The following ABHD6 variants were observed in gnomAD, a reference collection of about 807,000 sequenced individuals.
ABHD6 encodes the protein monoacylglycerol lipase ABHD6.
A neutral mutation model predicts 38.8 loss-of-function variants in ABHD6; 33 were observed. The ratio of observed to expected loss-of-function variants is 0.85; its 90% CI spans 0.64 to 1.14. The LOEUF (loss-of-function observed/expected upper bound fraction) is 1.14. Ranked by LOEUF, ABHD6 falls within the 50% of genes most tolerant of loss-of-function variation. The pLI is 0.00. For missense variants in ABHD6, 380 were observed against 422.6 expected (o/e 0.90, Z 0.88); for synonymous variants, 147 against 161.6 (o/e 0.91, Z 0.69).
intron 9 of ABHD6, among the ~76,000 whole-genome samples, chr3:58,289,143 C>T (rs977969546): frequency 1.3e-5 from 2 of 152,216 alleles, no homozygotes; most frequent in African/African-American, 4.8e-5. Context: ...CAGCCTCAAC[C>T]TCCTGAGCTC....
Position 58,250,495 on chromosome 3 carries a change from T to A in ABHD6, c.-26+553T>A, listed in dbSNP as rs2097429195. 2.0e-5 allele frequency among the ~76,000 whole-genome samples: 3 copies of A among 152,232 alleles called. No individual in the cohort carries two copies. The South Asian group carries it at 6.2e-4, about 32-fold the overall frequency. The stretch of plus-strand genomic sequence containing the variant: ...GCACAGCCTGATCCCTGGTGTGAAT[T>A]GAGAAGATTTCTCTGGCAGCTGGGG... On this transcript the variant is annotated intron_variant, in intron 2 of 9. Coordinates refer to ENST00000478253, the MANE Select transcript of ABHD6 (RefSeq NM_001320126.2).
rs947423944 is a variant in ABHD6 at position 58,266,216 on chromosome 3, A to G, written c.120-973A>G. 6.6e-6 allele frequency among the ~76,000 whole-genome samples: 1 copy of G among 152,206 alleles called. No individual in the cohort carries two copies. Among genetic ancestry groups the G allele is most frequent in the Non-Finnish European group, 1.5e-5 (1 of 68,038 alleles). On this transcript the variant is annotated intron_variant, in intron 3 of 9. Coordinates refer to ENST00000478253, the MANE Select transcript of ABHD6 (RefSeq NM_001320126.2). This position sits in a 1 kb window ranked among gnomAD's most constrained non-coding sequence, Gnocchi z 4.0. Reference sequence around the variant, plus strand: ...GTAACCCAAGCACTTTGGGAGGCCAACGTGGATGGATCACTTGAGGCCAGG... The same window carrying G: ...GTAACCCAAGCACTTTGGGAGGCCAGCGTGGATGGATCACTTGAGGCCAGG...
rs939392713 is a variant in ABHD6 at position 58,248,582 on chromosome 3, T to C, written c.-90-1296T>C. Among the ~76,000 whole-genome samples, 9 of 152,156 alleles carry C rather than the reference T, an allele frequency of 5.9e-5. No homozygotes were observed. The East Asian group carries it at 1.2e-3, about 20-fold the overall frequency. Reference sequence around the variant, plus strand: ...GCATGGTGGCACATGCCTGTAATCCTAGCTACTCGGGAGGCTGAGGCAGGA... The same window carrying C: ...GCATGGTGGCACATGCCTGTAATCCCAGCTACTCGGGAGGCTGAGGCAGGA... On this transcript the variant is annotated intron_variant, in intron 1 of 9. Coordinates refer to ENST00000478253, the MANE Select transcript of ABHD6 (RefSeq NM_001320126.2).
At chr3:58,252,229 G>GTTTT (rs10671892) in intron 2 of ABHD6, among the ~76,000 whole-genome samples, 1,080 of 80,904 alleles carry the variant, frequency 0.013, 117 homozygotes, top group African/African-American at 0.044. Context: ...TTGACTGCTT[G>GTTTT]TTTTTTTTTT....
rs2097434105 is a variant in ABHD6 at position 58,257,347 on chromosome 3, G to T, written c.119+642G>T. 6.7e-6 allele frequency among the ~76,000 whole-genome samples: 1 copy of T among 149,754 alleles called. No individual in the cohort carries two copies. The highest frequency in any genetic ancestry group is 2.5e-5 in the African/African-American group (1 of 40,438). ...GGTTGTTTTTGTTTGTTTGTTGGTT[G>T]GTTGGTTTTTTGGGTTTTTGTTTGG... is the stretch of plus-strand genomic sequence containing the variant. On this transcript the variant is annotated intron_variant, in intron 3 of 9. Coordinates refer to ENST00000478253, the MANE Select transcript of ABHD6 (RefSeq NM_001320126.2). This position sits in a 1 kb window ranked among gnomAD's most constrained non-coding sequence, Gnocchi z 4.8.
chr3:58,262,424 A>G lies in ABHD6; in HGVS notation c.120-4765A>G, dbSNP rs149689118. Among the ~76,000 whole-genome samples, 944 of 152,204 alleles carry G rather than the reference A, an allele frequency of 6.2e-3. 5 individuals carry two copies. The highest frequency in any genetic ancestry group is 0.017 in the Middle Eastern group (5 of 294). ...GGATGAGGACTCTGGGCTCCAGGAG[A>G]CTTTATTAAAGAGGAACCCCGAGGA... On this transcript the variant is annotated intron_variant, in intron 3 of 9. Transcript: ENST00000478253.
intron 1 of ABHD6, among the ~76,000 whole-genome samples, chr3:58,247,039 CTTTT>C (rs11341432): frequency 7.2e-6 from 1 of 138,850 alleles, no homozygotes; most frequent in Non-Finnish European, 1.6e-5. Flanking sequence ...TCTAATGGGC[CTTTT>C]TTTTTTTTTT....
intron 2 of ABHD6, among the ~76,000 whole-genome samples, chr3:58,252,495 T>G (rs943391332): frequency 6.6e-6 from 1 of 152,120 alleles, no homozygotes; most frequent in East Asian, 1.9e-4. Flanking sequence ...ATTACAGGCA[T>G]GAGCCACCAC....
chr3:58,260,929 GTGTCC>G (rs770105117), intron 3 of ABHD6, among the ~76,000 whole-genome samples: 31 of 152,186 alleles, frequency 2.0e-4, no homozygotes, highest in Non-Finnish European at 4.0e-4. Context: ...CTGGGTCTAA[GTGTCC>G]CTGGAGCATG....
rs3038091 is a variant in ABHD6, at chr3:58,271,766, G to GTTTTTTTTTTTT, written c.523+715_523+726dup. On this transcript the variant is annotated intron_variant, in intron 6 of 9. Transcript: ENST00000478253. ...CTCTCCTCTATCTCCCCCTCTCTCT[G>GTTTTTTTTTTTT]TTTTTTTTTTTTTTTTTTTTTTTTG... Among the ~76,000 whole-genome samples, 35 of 63,632 alleles carry GTTTTTTTTTTTT rather than the reference G, an allele frequency of 5.5e-4. 4 individuals are homozygous for GTTTTTTTTTTTT. The highest frequency in any genetic ancestry group is 8.3e-4 in the South Asian group (1 of 1,210). 41.7% of individuals were successfully genotyped at this position (63,632 alleles called of 152,430 possible).
At chr3:58,242,949 C>G (rs1346495559) in intron 1 of ABHD6, among the ~76,000 whole-genome samples, 1 of 152,110 alleles carries the variant, frequency 6.6e-6, no homozygotes, top group Non-Finnish European at 1.5e-5. Flanking sequence ...TCAATTCCCA[C>G]CTATGAGTGA....
At chr3:58,292,221 G>A (rs113168397) in intron 9 of ABHD6, among the ~76,000 whole-genome samples, 4 of 152,148 alleles carry the variant, frequency 2.6e-5, no homozygotes, top group Non-Finnish European at 5.9e-5. Flanking sequence ...CTGAGGCATC[G>A]TCTTACCTTA....
Position 58,267,792 on chromosome 3 carries a change from AGTGTGGCCTG to A in ABHD6, c.276+449_276+458del, listed in dbSNP as rs2097442178. On this transcript the variant is annotated intron_variant, in intron 4 of 9. Transcript: ENST00000478253. The surrounding 1 kb of genome is among the most constrained non-coding windows in gnomAD (Gnocchi z 4.3). Reference sequence around the variant, plus strand: ...GTTCAAGTCATATTAGAACTAATGCAGTGTGGCCTGGCACAGTGGCTCATACCTGTAATCC... The same window carrying A: ...GTTCAAGTCATATTAGAACTAATGCAGCACAGTGGCTCATACCTGTAATCC... 1.3e-5 allele frequency among the ~76,000 whole-genome samples: 2 copies of A among 152,198 alleles called. No individual in the cohort carries two copies. Among genetic ancestry groups the A allele is most frequent in the Non-Finnish European group, 1.5e-5 (1 of 68,038 alleles).
chr3:58,250,505 T>C (rs1397802861), intron 2 of ABHD6, among the ~76,000 whole-genome samples: 2 of 151,988 alleles, frequency 1.3e-5, no homozygotes, highest in Non-Finnish European at 1.5e-5. Context: ...TGAGAAGATT[T>C]CTCTGGCAGC....
Position 58,293,259 on chromosome 3 carries a change from G to A in ABHD6, c.838-330G>A, listed in dbSNP as rs1455694417. Among the ~76,000 whole-genome samples, 4 of 152,086 alleles carry A rather than the reference G, an allele frequency of 2.6e-5. No individual in the cohort carries two copies. The highest frequency in any genetic ancestry group is 9.7e-5 in the African/African-American group (4 of 41,388). On this transcript the variant is annotated intron_variant, in intron 9 of 9. Coordinates refer to ENST00000478253, the MANE Select transcript of ABHD6 (RefSeq NM_001320126.2). This position sits in a 1 kb window ranked among gnomAD's most constrained non-coding sequence, Gnocchi z 4.4. ...TGCTCTCCCGGGACTCAGGAACGAG[G>A]TCTTCCCTCGACCCTGCTCATCCCC...
Position 58,256,527 on chromosome 3 carries a change from A to G in ABHD6, c.-25-35A>G, listed in dbSNP as rs1274955147. On this transcript the variant is annotated intron_variant, in intron 2 of 9. Coordinates refer to ENST00000478253, the MANE Select transcript of ABHD6 (RefSeq NM_001320126.2). This position sits in a 1 kb window ranked among gnomAD's most constrained non-coding sequence, Gnocchi z 4.3. Reference sequence around the variant, plus strand: ...CTTCGCCTTTTTTCCTTTGATACAGAGTTTTAATATCGTCATTCTCTTTGG... The same window carrying G: ...CTTCGCCTTTTTTCCTTTGATACAGGGTTTTAATATCGTCATTCTCTTTGG... 55 of 1,253,456 alleles carry G rather than the reference A, an allele frequency of 4.4e-5. No individual in the cohort carries two copies. Among genetic ancestry groups the G allele is most frequent in the Non-Finnish European group, 6.2e-5 (54 of 876,690 alleles). 77.6% of individuals were successfully genotyped at this position (1,253,456 alleles called of 1,614,324 possible). A position where few individuals can be genotyped will look rare whatever the true frequency, so the allele number is the denominator to read the frequency against.
In ABHD6 at chr3:58,291,789, A is replaced by T. The variant is rs113450286; in HGVS notation, c.838-1800A>T. Among the ~76,000 whole-genome samples, 66 of 152,208 alleles carry T rather than the reference A, an allele frequency of 4.3e-4. 1 individual carries two copies. The highest frequency in any genetic ancestry group is 1.6e-3 in the African/African-American group (65 of 41,528). On this transcript the variant is annotated intron_variant, in intron 9 of 9. Coordinates refer to ENST00000478253, the MANE Select transcript of ABHD6 (RefSeq NM_001320126.2). Reference sequence around the variant, plus strand: ...GGTTTCTGATATCTCTCCAGGATAGACACTCAGTTTTGCCTGGGCATGATG... The same window carrying T: ...GGTTTCTGATATCTCTCCAGGATAGTCACTCAGTTTTGCCTGGGCATGATG...
chr3:58,245,082 G>A (rs71311849), intron 1 of ABHD6, among the ~76,000 whole-genome samples: 19,486 of 152,148 alleles, frequency 0.13, 1,714 homozygotes, highest in African/African-American at 0.24. Flanking sequence ...GCCTGCCAGT[G>A]TTTATTAACA....
intron 7 of ABHD6, among the ~76,000 whole-genome samples, chr3:58,276,646 T>C (rs1258346658): frequency 2.0e-5 from 3 of 152,242 alleles, no homozygotes; most frequent in East Asian, 3.8e-4. Context: ...ATTTTGGCTT[T>C]TGTTGCCATT....
Sources: allele counts gnomAD v4.1 joint callset (sites outside exome capture counted in the v4.1 genomes callset), GRCh38; gene constraint gnomAD v4.1.1; non-coding constraint Gnocchi (gnomAD v3.1); transcripts MANE v1.5; gene names NCBI Gene and HGNC (gene_info 2026-07-23, HGNC 2026-07-21).